The following IL1RAPL1 variants were observed in gnomAD, a reference collection of about 807,000 sequenced individuals.
IL1RAPL1 encodes the protein interleukin-1 receptor accessory protein-like 1.
A neutral mutation model predicts 48.4 loss-of-function variants in IL1RAPL1; 3 were observed. That is an observed-to-expected ratio of 0.06 (90% CI 0.03 to 0.16). IL1RAPL1 has a LOEUF of 0.16. Among genes scored for constraint, IL1RAPL1 ranks in the 10% least tolerant of loss-of-function variants. IL1RAPL1 has a pLI of 1.00. For missense variants in IL1RAPL1, 349 were observed against 530.6 expected, an observed-to-expected ratio of 0.66 and a Z score of 3.36; for synonymous variants, 185 against 187.7, an observed-to-expected ratio of 0.99 and a Z score of 0.12.
intron 2 of IL1RAPL1, among the ~76,000 whole-genome samples, chrX:29,067,521 T>G (rs1271964913): frequency 8.9e-6 from 1 of 112,419 alleles, no homozygotes; most frequent in Non-Finnish European, 1.9e-5. Context: ...GTTAAGGGCC[T>G]AGCTAGAATT....
chrX:29,945,142 GTGGCCCTGA>G (rs1338028802), intron 9 of IL1RAPL1, among the ~76,000 whole-genome samples: 8 of 111,365 alleles, frequency 7.2e-5, no homozygotes, highest in African/African-American at 9.8e-5. Flanking sequence ...TCTCCTCTCT[GTGGCCCTGA>G]GGGCCCCCTT....
At chrX:28,853,214 AAAATAAATTATAAATAT>A (rs1921710696) in intron 2 of IL1RAPL1, among the ~76,000 whole-genome samples, 1 of 111,830 alleles carries the variant, frequency 8.9e-6, no homozygotes, top group Non-Finnish European at 1.9e-5. Context: ...GCAATTGCAT[AAAATAAATTATAAATAT>A]AAATGCCTGC....
chrX:29,033,878 A>G (rs1201195508), intron 2 of IL1RAPL1, among the ~76,000 whole-genome samples: 2 of 105,193 alleles, frequency 1.9e-5, no homozygotes, highest in Non-Finnish European at 3.9e-5. Context: ...AATGAAAAGA[A>G]AAGGGAAAAG....
At chrX:29,282,592 T>A (rs140975277) in intron 2 of IL1RAPL1, among the ~76,000 whole-genome samples, 412 of 111,977 alleles carry the variant, frequency 3.7e-3, no homozygotes, top group African/African-American at 0.013. Flanking sequence ...GCCAGCTAGT[T>A]AAGAAAAACA....
intron 2 of IL1RAPL1, among the ~76,000 whole-genome samples, chrX:28,808,325 G>T (rs1233694710): frequency 9.0e-6 from 1 of 111,029 alleles, no homozygotes; most frequent in Non-Finnish European, 1.9e-5. Flanking sequence ...CCACCATGTG[G>T]TTATACCACA....
intron 6 of IL1RAPL1, among the ~76,000 whole-genome samples, chrX:29,772,501 A>G (rs1279849897): frequency 1.8e-5 from 2 of 111,516 alleles, no homozygotes; most frequent in Non-Finnish European, 3.8e-5. Context: ...AAAGTCCTAT[A>G]AGTGTCCTTC....
intron 6 of IL1RAPL1, among the ~76,000 whole-genome samples, chrX:29,906,413 A>G (rs1208879978): frequency 1.1e-5 from 1 of 89,560 alleles, no homozygotes; most frequent in Non-Finnish European, 2.2e-5. Context: ...CCATAGACCA[A>G]TGAGTAGTTT....
At chrX:29,595,543 G>C (rs1428311573) in intron 5 of IL1RAPL1, among the ~76,000 whole-genome samples, 1 of 111,814 alleles carries the variant, frequency 8.9e-6, no homozygotes, top group Non-Finnish European at 1.9e-5. Flanking sequence ...ATCTTCTTTG[G>C]AGAGTTGTCT....
chrX:28,591,452 A>G (rs750924818), intron 1 of IL1RAPL1, among the ~76,000 whole-genome samples: 2 of 112,277 alleles, frequency 1.8e-5, no homozygotes, highest in South Asian at 7.4e-4. Flanking sequence ...ACTTTGACTT[A>G]CAACAGATAT....
intron 2 of IL1RAPL1, among the ~76,000 whole-genome samples, chrX:28,950,632 G>C (rs1924432725): frequency 9.3e-6 from 1 of 107,886 alleles, no homozygotes; most frequent in African/African-American, 3.4e-5. Flanking sequence ...GTGGTTTGTA[G>C]TTCTCCTTGA....
At chrX:28,996,622 G>T (rs1281902786) in intron 2 of IL1RAPL1, among the ~76,000 whole-genome samples, 1 of 103,777 alleles carries the variant, frequency 9.6e-6, no homozygotes, top group Non-Finnish European at 1.9e-5. Flanking sequence ...TTGTTATTTT[G>T]TGTGTGTGTG....
chrX:29,716,058 A>G lies in IL1RAPL1; in HGVS notation c.778+47554A>G, dbSNP rs191390968. On this transcript the variant is annotated intron_variant, in intron 6 of 10. Coordinates refer to ENST00000378993, the MANE Select transcript of IL1RAPL1 (RefSeq NM_014271.4). ...CTCTGGGACAGAGTCTCTGAGATGG[A>G]GATTTGTGGATAGAAGGTTTATGGG... 1.7e-3 allele frequency among the ~76,000 whole-genome samples: 191 copies of G among 111,211 alleles called. 1 individual carries two copies. The highest frequency in any genetic ancestry group is 3.4e-3 in the Admixed American group (35 of 10,426).
At chrX:29,463,861 C>T (rs947806879) in intron 5 of IL1RAPL1, among the ~76,000 whole-genome samples, 1 of 111,426 alleles carries the variant, frequency 9.0e-6, no homozygotes, top group Non-Finnish European at 1.9e-5. Flanking sequence ...AAAGCTGTCC[C>T]GTGACCACCA....
At chrX:28,969,669 T>G (rs1925006710) in intron 2 of IL1RAPL1, among the ~76,000 whole-genome samples, 3 of 109,797 alleles carry the variant, frequency 2.7e-5, no homozygotes, top group Admixed American at 2.0e-4. Context: ...CTCACAGCAG[T>G]AATGTCCACC....
At chrX:29,396,753 C>A (rs1933923920) in intron 4 of IL1RAPL1, among the ~76,000 whole-genome samples, 1 of 111,649 alleles carries the variant, frequency 9.0e-6, no homozygotes, top group Non-Finnish European at 1.9e-5. Flanking sequence ...TTACCTTGAA[C>A]CTTCTTTTCA....
chrX:29,488,814 G>T (rs1935125851), intron 5 of IL1RAPL1, among the ~76,000 whole-genome samples: 1 of 112,176 alleles, frequency 8.9e-6, no homozygotes, highest in Non-Finnish European at 1.9e-5. Context: ...AATTTGCAGG[G>T]GCAAAAAGGA....
At chrX:28,977,198 C>G (rs969145963) in intron 2 of IL1RAPL1, among the ~76,000 whole-genome samples, 6 of 112,217 alleles carry the variant, frequency 5.3e-5, no homozygotes, top group Admixed American at 9.4e-5. Flanking sequence ...CATTCTCACA[C>G]TGTTATAAAG....
chrX:29,295,444 G>T (rs930396402), intron 3 of IL1RAPL1, among the ~76,000 whole-genome samples: 1 of 111,834 alleles, frequency 8.9e-6, no homozygotes, highest in Non-Finnish European at 1.9e-5. Context: ...CTTTCCCTTA[G>T]ATCATCTTAA....
chrX:29,877,990 A>G (rs1931944739), intron 6 of IL1RAPL1, among the ~76,000 whole-genome samples: 1 of 112,052 alleles, frequency 8.9e-6, no homozygotes, highest in African/African-American at 3.2e-5. Context: ...AGTATCTGGT[A>G]CACTGTAGGG....
Sources: allele counts gnomAD v4.1 joint callset (sites outside exome capture counted in the v4.1 genomes callset), GRCh38; gene constraint gnomAD v4.1.1; transcripts MANE v1.5; gene names NCBI Gene and HGNC (gene_info 2026-07-23, HGNC 2026-07-21).